The following ARHGAP24 variants were observed in gnomAD, a reference collection of about 807,000 sequenced individuals.
ARHGAP24 encodes the protein rho GTPase-activating protein 24.
Under a neutral mutation model 76.4 loss-of-function variants are expected in ARHGAP24, and 50 were observed. The observed-to-expected ratio is 0.65, with a 90% confidence interval of 0.52 to 0.83. The LOEUF is 0.83. Among genes scored for constraint, ARHGAP24 ranks in the 40% least tolerant of loss-of-function variants. The pLI, the probability that ARHGAP24 is intolerant of heterozygous loss-of-function variation, is 0.00. For synonymous variants in ARHGAP24, 345 were observed against 323.3 expected (o/e 1.07, Z -0.72); for missense variants, 930 against 914.2 (o/e 1.02, Z -0.22).
At chr4:85,624,964 T>G (rs1436921882) in intron 2 of ARHGAP24, among the ~76,000 whole-genome samples, 5 of 152,182 alleles carry the variant, frequency 3.3e-5, no homozygotes, top group Admixed American at 2.0e-4. Flanking sequence ...CTTCTCTCTT[T>G]TCTTCTTTAT....
chr4:85,909,339 A>G (rs1301670045), intron 3 of ARHGAP24, among the ~76,000 whole-genome samples: 2 of 151,770 alleles, frequency 1.3e-5, no homozygotes, highest in African/African-American at 4.8e-5. Context: ...GTATGTGTGT[A>G]AACATGTTCC....
chr4:85,911,206 A>G lies in ARHGAP24; in HGVS notation c.269-12442A>G, dbSNP rs1735056717. ...TCTGCAGCCTGGTTTGGGTGGCTGCAGTGAAATCTGGGGAGCTCCCGCCCT... is the reference window on the plus strand; with the variant it reads ...TCTGCAGCCTGGTTTGGGTGGCTGCGGTGAAATCTGGGGAGCTCCCGCCCT... On this transcript the variant is annotated intron_variant, in intron 3 of 9. Coordinates refer to ENST00000395184, the MANE Select transcript of ARHGAP24 (RefSeq NM_001025616.3). 3.3e-5 allele frequency among the ~76,000 whole-genome samples: 5 copies of G among 152,232 alleles called. No homozygotes were observed. In the South Asian group the frequency reaches 1.0e-3, roughly 32 times the overall value.
At chr4:85,756,805 A>G (rs1025351984) in intron 3 of ARHGAP24, among the ~76,000 whole-genome samples, 26 of 152,120 alleles carry the variant, frequency 1.7e-4, no homozygotes, top group Admixed American at 9.8e-4. Context: ...GAGCTGGTTT[A>G]TTGATCTGCA....
At chr4:85,612,434 A>C (rs1209153446) in intron 2 of ARHGAP24, among the ~76,000 whole-genome samples, 4 of 94,024 alleles carry the variant, frequency 4.3e-5, no homozygotes, top group Non-Finnish European at 7.6e-5. Flanking sequence ...ACAGAGCAAG[A>C]CTCTGTTTCA....
chr4:85,856,059 A>G (rs1447729976), intron 3 of ARHGAP24, among the ~76,000 whole-genome samples: 1 of 152,180 alleles, frequency 6.6e-6, no homozygotes, highest in Non-Finnish European at 1.5e-5. Context: ...TCTTTGTACC[A>G]TTTTAAATTC....
At position 85,755,626 on chromosome 4, in the gene ARHGAP24, G is replaced by GTTTTTTTTTTTTTTTTTTTTTTTTTTT. The variant is rs111410344; in HGVS notation, c.268+33658_268+33659insTTTTTTTTTTTTTTTTTTTTTTTTTTT. ...TTCTATGGGAAGCTTCTATTCTTTT[G>GTTTTTTTTTTTTTTTTTTTTTTTTTTT]TTTTGTTTTGTTTTGTTTTGTTTTG... is the stretch of plus-strand genomic sequence containing the variant. On this transcript the variant is annotated intron_variant, in intron 3 of 9. Transcript: ENST00000395184. 1.0e-4 allele frequency among the ~76,000 whole-genome samples: 12 copies of GTTTTTTTTTTTTTTTTTTTTTTTTTTT among 117,372 alleles called. 6 individuals are homozygous for GTTTTTTTTTTTTTTTTTTTTTTTTTTT. The highest frequency in any genetic ancestry group is 1.4e-4 in the Non-Finnish European group (8 of 56,168). The allele number at this position is 117,372 out of a possible 152,430, so 77.0% of individuals were successfully genotyped here.
intron 1 of ARHGAP24, among the ~76,000 whole-genome samples, chr4:85,539,915 G>C (rs1174633982): frequency 6.6e-6 from 1 of 151,984 alleles, no homozygotes; most frequent in Non-Finnish European, 1.5e-5. Flanking sequence ...TGTGGTGGCG[G>C]GTTCCTGTAG....
chr4:85,637,238 A>G (rs1463942197), intron 2 of ARHGAP24, among the ~76,000 whole-genome samples: 2 of 152,062 alleles, frequency 1.3e-5, no homozygotes, highest in East Asian at 3.9e-4. Context: ...TAGCGTAGCT[A>G]TAACTAAAAT....
At chr4:85,815,106 C>T (rs547963439) in intron 3 of ARHGAP24, among the ~76,000 whole-genome samples, 1 of 152,280 alleles carries the variant, frequency 6.6e-6, no homozygotes, top group East Asian at 1.9e-4. Context: ...CACCAAGTTC[C>T]TGGGCTGCAC....
intron 3 of ARHGAP24, among the ~76,000 whole-genome samples, chr4:85,867,709 G>A (rs573484212): frequency 6.6e-6 from 1 of 151,146 alleles, no homozygotes; most frequent in East Asian, 1.9e-4. Context: ...AATTCTCAGT[G>A]CTATTAACAG....
At chr4:85,903,224 G>A (rs1437298675) in intron 3 of ARHGAP24, among the ~76,000 whole-genome samples, 1 of 152,052 alleles carries the variant, frequency 6.6e-6, no homozygotes, top group African/African-American at 2.4e-5. Flanking sequence ...CTACTTAACT[G>A]AACACTTTGA....
chr4:85,476,216 C>T (rs934851903), intron 1 of ARHGAP24, among the ~76,000 whole-genome samples: 2 of 151,794 alleles, frequency 1.3e-5, no homozygotes, highest in East Asian at 1.9e-4. Flanking sequence ...AATATGGTCT[C>T]GTTTTTAGAA....
chr4:85,495,404 G>A (rs1723533441), intron 1 of ARHGAP24, among the ~76,000 whole-genome samples: 1 of 125,650 alleles, frequency 8.0e-6, no homozygotes, highest in Admixed American at 9.9e-5. Flanking sequence ...AGGCTGGAGT[G>A]TAGTGGCGCG....
intron 2 of ARHGAP24, among the ~76,000 whole-genome samples, chr4:85,597,600 A>G (rs1719882305): frequency 1.4e-5 from 2 of 144,546 alleles, no homozygotes; most frequent in South Asian, 4.5e-4. Flanking sequence ...CTTTGAAAAT[A>G]TAACATTTAT....
At chr4:85,580,099 G>A (rs1342234326) in intron 2 of ARHGAP24, among the ~76,000 whole-genome samples, 2 of 151,870 alleles carry the variant, frequency 1.3e-5, no homozygotes, top group East Asian at 1.9e-4. Context: ...TCTCATCTGC[G>A]TCCCTCCACA....
At chr4:85,807,763 C>T (rs1728853374) in intron 3 of ARHGAP24, among the ~76,000 whole-genome samples, 1 of 152,120 alleles carries the variant, frequency 6.6e-6, no homozygotes, top group African/African-American at 2.4e-5. Context: ...CAGAATTGTA[C>T]CAAGCCACCA....
chr4:85,783,471 T>C (rs138094722), intron 3 of ARHGAP24, among the ~76,000 whole-genome samples: 1 of 142,518 alleles, frequency 7.0e-6, no homozygotes, highest in African/African-American at 2.7e-5. Context: ...TCCTGATCAC[T>C]TTTTTTTTTT....
At chr4:85,903,569 A>G (rs1018532833) in intron 3 of ARHGAP24, among the ~76,000 whole-genome samples, 6 of 152,134 alleles carry the variant, frequency 3.9e-5, no homozygotes, top group African/African-American at 1.4e-4. Context: ...AGCTGCTACA[A>G]TGTACAACTC....
intron 2 of ARHGAP24, among the ~76,000 whole-genome samples, chr4:85,711,402 G>A (rs1198124281): frequency 6.6e-6 from 1 of 152,072 alleles, no homozygotes; most frequent in East Asian, 1.9e-4. Flanking sequence ...TATAGCGAAA[G>A]TATTAATGTT....
Sources: allele counts gnomAD v4.1 joint callset (sites outside exome capture counted in the v4.1 genomes callset), GRCh38; gene constraint gnomAD v4.1.1; transcripts MANE v1.5; gene names NCBI Gene and HGNC (gene_info 2026-07-23, HGNC 2026-07-21).